C4orf17: variants seen among roughly 807,000 people sequenced by gnomAD.
The protein encoded by C4orf17 is uncharacterized protein C4orf17.
A neutral mutation model predicts 32.0 loss-of-function variants in C4orf17; 25 were observed. The ratio of observed to expected loss-of-function variants is 0.78; its 90% CI spans 0.57 to 1.09. The LOEUF is 1.09. C4orf17 is among the 50% of genes least tolerant of loss of function. The pLI is 0.00. For missense variants in C4orf17, 420 were observed against 420.0 expected, an observed-to-expected ratio of 1.00 and a Z score of 0.00; for synonymous variants, 149 against 145.8, an observed-to-expected ratio of 1.02 and a Z score of -0.16.
intron 4 of C4orf17, among the ~76,000 whole-genome samples, chr4:99,527,667 C>CATT (rs1329210146): frequency 1.3e-5 from 2 of 152,020 alleles, no homozygotes; most frequent in Non-Finnish European, 2.9e-5. Context: ...AGAACTCAGG[C>CATT]GGTAATGCTC....
chr4:99,518,950 G>A (rs770013388), intron 2 of C4orf17, among the ~76,000 whole-genome samples: 61 of 152,132 alleles, frequency 4.0e-4, no homozygotes, highest in Non-Finnish European at 5.4e-4. Context: ...TTTTTTCATA[G>A]TACTGTATAT....
intron 2 of C4orf17, among the ~76,000 whole-genome samples, chr4:99,521,367 T>C (rs997528054): frequency 1.3e-5 from 2 of 150,422 alleles, no homozygotes; most frequent in Non-Finnish European, 2.9e-5. Context: ...AGGGAGAGAC[T>C]ATGTCTCAAA....
Position 99,530,070 on chromosome 4 carries a change from T to C in C4orf17, c.546+112T>C, listed in dbSNP as rs986048733. 1.4e-5 allele frequency: 12 copies of C among 830,418 alleles called. No individual in the cohort carries two copies. In the African/African-American group the frequency reaches 1.6e-4, roughly 11 times the overall value. 51.4% of individuals were successfully genotyped at this position (830,418 alleles called of 1,614,324 possible). On this transcript the variant is annotated intron_variant, in intron 5 of 8. Transcript: ENST00000326581. ...AAATGATTCCTTACTGATAACTGAA[T>C]TGATTTAAGACTGCTTAGCCTGAAA...
chr4:99,541,607 C>T (rs1328927429), intron 8 of C4orf17: 3 of 301,444 alleles, frequency 1.0e-5, no homozygotes, highest in Admixed American at 1.0e-4. Context: ...CTATCAGGAC[C>T]ATAGATCTTC....
intron 5 of C4orf17, chr4:99,535,904 T>C (rs987552920): frequency 7.1e-5 from 32 of 449,222 alleles, no homozygotes; most frequent in Non-Finnish European, 1.2e-4. Flanking sequence ...TGCTGACCTT[T>C]AAATGGGATT....
chr4:99,537,302 G>A (rs1160296038), intron 5 of C4orf17, among the ~76,000 whole-genome samples: 1 of 152,180 alleles, frequency 6.6e-6, no homozygotes, highest in Non-Finnish European at 1.5e-5. Flanking sequence ...CAGGCGGTTG[G>A]ACACTCAGCT....
At chr4:99,534,148 C>G (rs1199973360) in intron 5 of C4orf17, among the ~76,000 whole-genome samples, 2 of 152,080 alleles carry the variant, frequency 1.3e-5, no homozygotes, top group Non-Finnish European at 2.9e-5. Context: ...CCCAACTCCC[C>G]CTGACAGGTC....
At chr4:99,527,541 C>T (rs1302584710) in intron 4 of C4orf17, among the ~76,000 whole-genome samples, 1 of 152,198 alleles carries the variant, frequency 6.6e-6, no homozygotes, top group Non-Finnish European at 1.5e-5. Flanking sequence ...CACCTCAGAT[C>T]ATCAGGTGTT....
chr4:99,537,659 T>C lies in C4orf17; in HGVS notation c.547-10T>C. The stretch of plus-strand genomic sequence containing the variant: ...ATTTGCTCATATGTAACTCTAATGT[T>C]CTCTGTCAGATCCTGGCAAAGCTCT... On this transcript the variant is annotated splice_polypyrimidine_tract_variant and intron_variant, in intron 5 of 8. Transcript: ENST00000326581. 1 of 1,605,048 alleles carries C rather than the reference T, an allele frequency of 6.2e-7. No homozygotes were observed. Among genetic ancestry groups the C allele is most frequent in the Non-Finnish European group, 8.5e-7 (1 of 1,173,722 alleles).
At chr4:99,524,500 T>C in intron 3 of C4orf17, 21 bp from the exon 4 acceptor site, 1 of 1,480,866 alleles carries the variant, frequency 6.8e-7, no homozygotes, top group Non-Finnish European at 9.4e-7. Flanking sequence ...CTAAATACAT[T>C]TTTCCTCAAT....
At chr4:99,532,708 G>A (rs1228961153) in intron 5 of C4orf17, among the ~76,000 whole-genome samples, 1 of 152,148 alleles carries the variant, frequency 6.6e-6, no homozygotes, top group African/African-American at 2.4e-5. Context: ...TTAAAAAGAA[G>A]AGTGGACCAA....
At chr4:99,512,626 T>C (rs886444362) in intron 1 of C4orf17, among the ~76,000 whole-genome samples, 2 of 150,930 alleles carry the variant, frequency 1.3e-5, no homozygotes, top group Non-Finnish European at 2.9e-5. Flanking sequence ...TTTGTGAGTA[T>C]TGTATTTAAA....
At chr4:99,522,448 C>T (rs1723304693) in intron 2 of C4orf17, 52 bp from the exon 3 acceptor site, 1 of 1,377,770 alleles carries the variant, frequency 7.3e-7, no homozygotes. Flanking sequence ...ACCTTCCAAA[C>T]ATCTAATCTG....
At chr4:99,515,176 A>AG (rs1279349942) in intron 2 of C4orf17, among the ~76,000 whole-genome samples, 11 of 152,162 alleles carry the variant, frequency 7.2e-5, no homozygotes, top group Non-Finnish European at 1.6e-4. Context: ...TGGGTGCACC[A>AG]AAATTTCAGA....
intron 5 of C4orf17, among the ~76,000 whole-genome samples, chr4:99,532,259 A>G (rs973365732): frequency 6.6e-6 from 1 of 152,208 alleles, no homozygotes; most frequent in Non-Finnish European, 1.5e-5. Context: ...TGGCATGTTT[A>G]TCACAGCAAT....
chr4:99,534,126 C>A (rs1362594672), intron 5 of C4orf17, among the ~76,000 whole-genome samples: 2 of 152,116 alleles, frequency 1.3e-5, no homozygotes, highest in Non-Finnish European at 2.9e-5. Context: ...CTTCCTGATG[C>A]TCTCCCTCTC....
At chr4:99,518,374 T>C (rs1723221324) in intron 2 of C4orf17, among the ~76,000 whole-genome samples, 1 of 149,646 alleles carries the variant, frequency 6.7e-6, no homozygotes, top group South Asian at 2.1e-4. Context: ...TAGTTCTAGC[T>C]ACTCAGAAGC....
chr4:99,518,208 T>C (rs115987346), intron 2 of C4orf17, among the ~76,000 whole-genome samples: 3,590 of 152,000 alleles, frequency 0.024, 80 homozygotes, highest in Non-Finnish European at 0.036. Context: ...TCTTGCCCTC[T>C]CTCCAGTCTA....
intron 2 of C4orf17, among the ~76,000 whole-genome samples, chr4:99,514,473 A>G (rs928642173): frequency 6.6e-5 from 10 of 152,220 alleles, no homozygotes; most frequent in South Asian, 2.1e-4. Flanking sequence ...TCAAAAGAAG[A>G]TCTACAGACA....
Sources: allele counts gnomAD v4.1 joint callset (sites outside exome capture counted in the v4.1 genomes callset), GRCh38; gene constraint gnomAD v4.1.1; transcripts MANE v1.5; gene names NCBI Gene and HGNC (gene_info 2026-07-23, HGNC 2026-07-21).